Variants in EBF2 observed in about 807,000 individuals in gnomAD.
EBF2 encodes the protein EBF transcription factor 2, also known as transcription factor COE2.
Under a neutral mutation model 72.8 loss-of-function variants are expected in EBF2, and 21 were observed. That is an observed-to-expected ratio of 0.29 (90% CI 0.20 to 0.42). EBF2 has a LOEUF of 0.42. Among genes scored for constraint, EBF2 ranks in the 10% least tolerant of loss-of-function variants. The pLI, the probability that EBF2 is intolerant of heterozygous loss-of-function variation, is 1.00. For missense variants in EBF2, 637 were observed against 731.2 expected (o/e 0.87, Z 1.49); for synonymous variants, 299 against 274.2 (o/e 1.09, Z -0.89).
At chr8:25,952,865 CTACT>C (rs904591401) in intron 6 of EBF2, among the ~76,000 whole-genome samples, 1 of 151,894 alleles carries the variant, frequency 6.6e-6, no homozygotes, top group African/African-American at 2.4e-5. Flanking sequence ...TTTTTTTCCT[CTACT>C]TATTCTATAA....
intron 4 of EBF2, 36 bp downstream of exon 4, chr8:26,040,580 G>A: frequency 6.5e-7 from 1 of 1,547,276 alleles, no homozygotes; most frequent in Admixed American, 2.0e-5. Context: ...CGGGGTCAGA[G>A]ACAGGCGAAG....
chr8:26,037,869 A>G (rs1039658734), intron 5 of EBF2, among the ~76,000 whole-genome samples: 2 of 152,188 alleles, frequency 1.3e-5, no homozygotes, highest in African/African-American at 4.8e-5. Flanking sequence ...TTGTTCCCCC[A>G]TTCAAAGCTA....
At chr8:25,917,057 G>GGCAA (rs1803229088) in intron 6 of EBF2, among the ~76,000 whole-genome samples, 1 of 152,134 alleles carries the variant, frequency 6.6e-6, no homozygotes, top group Non-Finnish European at 1.5e-5. Context: ...TAGCCCAAGT[G>GGCAA]GCAAGCAGTT....
At chr8:25,995,022 T>C (rs1361211577) in intron 6 of EBF2, among the ~76,000 whole-genome samples, 3 of 152,152 alleles carry the variant, frequency 2.0e-5, no homozygotes, top group African/African-American at 7.2e-5. Flanking sequence ...AGAAGATATA[T>C]ACAGTAGGCG....
In EBF2 at chr8:26,036,681, C is replaced by T. The variant is rs183261529; in HGVS notation, c.482+3347G>A. The stretch of plus-strand genomic sequence containing the variant: ...AACCTGAGATGTTTGTGAACCTACA[C>T]TCCCCAAACAGTGTGGAACAGCTAA... On this transcript the variant is annotated intron_variant, in intron 5 of 15. Coordinates refer to ENST00000520164, the MANE Select transcript of EBF2 (RefSeq NM_022659.4). Among the ~76,000 whole-genome samples the T allele has an allele frequency of 1.5e-3, 224 of 148,766 alleles. 2 individuals are homozygous for T. Among genetic ancestry groups the T allele is most frequent in the African/African-American group, 5.3e-3 (215 of 40,780 alleles).
chr8:25,845,621 C>A (rs1437486735), intron 15 of EBF2, among the ~76,000 whole-genome samples: 3 of 152,164 alleles, frequency 2.0e-5, no homozygotes, highest in South Asian at 2.1e-4. Context: ...CCTGTCTGGG[C>A]AGAATCACTT....
chr8:25,904,832 A>T (rs1406541357), intron 7 of EBF2, among the ~76,000 whole-genome samples: 1 of 152,206 alleles, frequency 6.6e-6, no homozygotes, highest in African/African-American at 2.4e-5. Context: ...TTATATTCTT[A>T]GTAGAATCTA....
chr8:25,944,596 T>C (rs977766228), intron 6 of EBF2, among the ~76,000 whole-genome samples: 1 of 148,460 alleles, frequency 6.7e-6, no homozygotes, highest in African/African-American at 2.5e-5. Flanking sequence ...ATTAATACAG[T>C]CTATAAATTA....
intron 12 of EBF2, 41 bp from the exon 13 acceptor site, chr8:25,861,267 A>G (rs1802207650): frequency 6.2e-7 from 1 of 1,613,712 alleles, no homozygotes; most frequent in African/African-American, 1.3e-5. Context: ...TATCCAGCAT[A>G]AAGTGCAAAA....
At chr8:25,926,499 G>A (rs1027256791) in intron 6 of EBF2, among the ~76,000 whole-genome samples, 3 of 152,082 alleles carry the variant, frequency 2.0e-5, no homozygotes, top group Non-Finnish European at 4.4e-5. Context: ...GCTGGACATC[G>A]GTTTTATACT....
intron 6 of EBF2, among the ~76,000 whole-genome samples, chr8:25,923,708 A>G (rs1803341329): frequency 6.6e-6 from 1 of 152,170 alleles, no homozygotes; most frequent in African/African-American, 2.4e-5. Flanking sequence ...ATAGAATTCA[A>G]CCAAAGGGCC....
intron 6 of EBF2, among the ~76,000 whole-genome samples, chr8:26,025,310 T>C (rs1016299016): frequency 1.3e-5 from 2 of 152,198 alleles, no homozygotes; most frequent in African/African-American, 4.8e-5. Flanking sequence ...TGTGTGCTTA[T>C]TTACGCTGTA....
Position 26,044,900 on chromosome 8 carries a change from G to T in EBF2, c.-41C>A, listed in dbSNP as rs1471921978. The stretch of plus-strand genomic sequence containing the variant: ...CTCTACTGTCGCTTTAAAAGTAAGA[G>T]TTACAACACAGTCCTGACTGTTCCC... On this transcript the variant is annotated 5_prime_UTR_variant, in exon 1 of 16. Transcript: ENST00000520164. This position sits in a 1 kb window ranked among gnomAD's most constrained non-coding sequence, Gnocchi z 4.1. 2 of 1,607,582 alleles carry T rather than the reference G, an allele frequency of 1.2e-6. No individual in the cohort carries two copies. The highest frequency in any genetic ancestry group is 8.5e-7 in the Non-Finnish European group (1 of 1,176,286).
At chr8:25,898,602 C>T (rs73677238) in intron 7 of EBF2, among the ~76,000 whole-genome samples, 13,014 of 152,164 alleles carry the variant, frequency 0.086, 849 homozygotes, top group African/African-American at 0.18. Context: ...TTACTTTTCC[C>T]AACTAAAATT....
chr8:25,967,730 C>G (rs189455182), intron 6 of EBF2, among the ~76,000 whole-genome samples: 1 of 152,278 alleles, frequency 6.6e-6, no homozygotes, highest in Non-Finnish European at 1.5e-5. Context: ...ATGAATGCAG[C>G]AAAGAGTAGC....
At chr8:25,941,029 G>A (rs1803660991) in intron 6 of EBF2, among the ~76,000 whole-genome samples, 1 of 152,092 alleles carries the variant, frequency 6.6e-6, no homozygotes, top group South Asian at 2.1e-4. Flanking sequence ...CAATTATAAG[G>A]ATCCTTTTTA....
intron 15 of EBF2, among the ~76,000 whole-genome samples, chr8:25,847,395 C>A (rs1204927407): frequency 6.6e-6 from 1 of 152,122 alleles, no homozygotes; most frequent in African/African-American, 2.4e-5. Context: ...AGTGACTGTG[C>A]ATTAAATGTC....
intron 6 of EBF2, among the ~76,000 whole-genome samples, chr8:25,942,373 A>G (rs1409168648): frequency 6.6e-6 from 1 of 152,232 alleles, no homozygotes; most frequent in African/African-American, 2.4e-5. Context: ...CAGCAAAGAG[A>G]AAGTCTTCAG....
At chr8:25,974,520 G>A (rs1176820850) in intron 6 of EBF2, among the ~76,000 whole-genome samples, 1 of 152,198 alleles carries the variant, frequency 6.6e-6, no homozygotes, top group African/African-American at 2.4e-5. Flanking sequence ...AGTGCCTAGA[G>A]CCAGAAAACT....
Sources: gnomAD v4.1 joint callset for allele counts (sites outside exome capture counted in the v4.1 genomes callset) on GRCh38, gnomAD v4.1.1 for gene constraint, Gnocchi (gnomAD v3.1) non-coding constraint, MANE v1.5 for transcripts, NCBI Gene and HGNC (gene_info 2026-07-23, HGNC 2026-07-21) for gene names.